ZFPM2: variants seen among roughly 807,000 people sequenced by gnomAD.
ZFPM2 encodes zinc finger protein ZFPM2.
In ZFPM2, 20 loss-of-function variants were observed where a neutral mutation model predicts 98.6. The observed-to-expected ratio is 0.20, with a 90% CI of 0.14 to 0.29. The LOEUF is 0.29. ZFPM2 is among the 10% of genes least tolerant of loss of function. The pLI is 1.00. For missense variants in ZFPM2, 1,310 were observed against 1,388.6 expected, an observed-to-expected ratio of 0.94 and a Z score of 0.90; for synonymous variants, 518 against 502.7, an observed-to-expected ratio of 1.03 and a Z score of -0.41.
At chr8:105,688,278 C>T (rs1586198764) in intron 5 of ZFPM2, among the ~76,000 whole-genome samples, 2 of 151,838 alleles carry the variant, frequency 1.3e-5, no homozygotes, top group Non-Finnish European at 2.9e-5. Flanking sequence ...AAGGATTTTA[C>T]TAACAAATTT....
intron 2 of ZFPM2, among the ~76,000 whole-genome samples, chr8:105,427,158 G>A (rs1383326229): frequency 2.6e-5 from 4 of 152,084 alleles, no homozygotes; most frequent in Non-Finnish European, 4.4e-5. Flanking sequence ...CTCTTCTTAT[G>A]AGAGTAAACA....
chr8:105,536,487 G>A lies in ZFPM2; in HGVS notation c.302-24876G>A, dbSNP rs145260747. ...CTCCTCAAGTTGAAGGTCAGAGGCC[G>A]TTTCATAATGCTCAAAAAGAAAACA... On this transcript the variant is annotated intron_variant, in intron 3 of 7. Transcript: ENST00000407775. 2.7e-3 allele frequency among the ~76,000 whole-genome samples: 404 copies of A among 151,730 alleles called. 4 individuals carry two copies. Among genetic ancestry groups the A allele is most frequent in the African/African-American group, 9.2e-3 (381 of 41,406 alleles).
intron 3 of ZFPM2, among the ~76,000 whole-genome samples, chr8:105,469,492 A>G (rs912667596): frequency 3.3e-5 from 5 of 151,968 alleles, no homozygotes; most frequent in African/African-American, 1.2e-4. Context: ...CAGCTGGTGT[A>G]CTCATTCATG....
At chr8:105,683,665 C>T (rs1810665048) in intron 5 of ZFPM2, among the ~76,000 whole-genome samples, 1 of 152,100 alleles carries the variant, frequency 6.6e-6, no homozygotes, top group South Asian at 2.1e-4. Flanking sequence ...CTACCTCTTT[C>T]CTTTCTTCTG....
At chr8:105,492,645 G>A (rs979866885) in intron 3 of ZFPM2, among the ~76,000 whole-genome samples, 9 of 152,062 alleles carry the variant, frequency 5.9e-5, no homozygotes, top group Admixed American at 2.0e-4. Context: ...TTACAGCTTT[G>A]CTCAGCTCAA....
chr8:105,774,555 T>C (rs1454459118), intron 5 of ZFPM2, among the ~76,000 whole-genome samples: 1 of 152,170 alleles, frequency 6.6e-6, no homozygotes, highest in African/African-American at 2.4e-5. Flanking sequence ...AAAACAAGTA[T>C]AGTATTTTTA....
chr8:105,355,320 T>A lies in ZFPM2; in HGVS notation c.40+36339T>A, dbSNP rs1434121252. Reference sequence around the variant, plus strand: ...TCATTCTTATTCTCCTGTCATACTATGCTAAGGAGTTTTGCACTGAAAATT... The same window carrying A: ...TCATTCTTATTCTCCTGTCATACTAAGCTAAGGAGTTTTGCACTGAAAATT... On this transcript the variant is annotated intron_variant, in intron 1 of 7. Coordinates refer to ENST00000407775, the MANE Select transcript of ZFPM2 (RefSeq NM_012082.4). 4.6e-5 allele frequency among the ~76,000 whole-genome samples: 7 copies of A among 152,226 alleles called. No individual in the cohort carries two copies. In the East Asian group the frequency reaches 1.3e-3, roughly 29 times the overall value.
chr8:105,500,285 C>T (rs538154933), intron 3 of ZFPM2, among the ~76,000 whole-genome samples: 1 of 151,944 alleles, frequency 6.6e-6, no homozygotes, highest in Non-Finnish European at 1.5e-5. Context: ...TAGAAATTAT[C>T]GATACAATAC....
intron 3 of ZFPM2, among the ~76,000 whole-genome samples, chr8:105,532,894 C>T (rs1264292545): frequency 6.6e-6 from 1 of 152,010 alleles, no homozygotes; most frequent in Non-Finnish European, 1.5e-5. Context: ...GAAGCAAAGG[C>T]TGTAGCTGAA....
Position 105,750,259 on chromosome 8 carries a change from A to G in ZFPM2, c.533-38459A>G, listed in dbSNP as rs549731214. On this transcript the variant is annotated intron_variant, in intron 5 of 7. Coordinates refer to ENST00000407775, the MANE Select transcript of ZFPM2 (RefSeq NM_012082.4). ...GATTCCAGAATGGTTGCAAATAGTT[A>G]TCTGTCTTGGTTACGTATCTATACT... Among the ~76,000 whole-genome samples the G allele has an allele frequency of 2.0e-5, 3 of 152,182 alleles. No homozygotes were observed. In the East Asian group the frequency reaches 5.8e-4, roughly 30 times the overall value.
intron 1 of ZFPM2, among the ~76,000 whole-genome samples, chr8:105,398,884 TAGAG>T (rs913356164): frequency 2.0e-4 from 30 of 152,176 alleles, no homozygotes; most frequent in African/African-American, 4.8e-4. Flanking sequence ...TGTGCTGAGA[TAGAG>T]AGAGAGGATA....
intron 3 of ZFPM2, among the ~76,000 whole-genome samples, chr8:105,495,420 T>G (rs1168347466): frequency 6.6e-6 from 1 of 152,238 alleles, no homozygotes; most frequent in African/African-American, 2.4e-5. Flanking sequence ...GCTCCCTTGA[T>G]ACAGGAAAGA....
intron 5 of ZFPM2, among the ~76,000 whole-genome samples, chr8:105,680,537 A>T (rs1457199476): frequency 1.3e-5 from 2 of 152,124 alleles, no homozygotes; most frequent in Non-Finnish European, 2.9e-5. Flanking sequence ...CTGCTTTCTA[A>T]TTCATCTCTT....
At chr8:105,333,326 A>G (rs971364533) in intron 1 of ZFPM2, among the ~76,000 whole-genome samples, 35 of 151,902 alleles carry the variant, frequency 2.3e-4, no homozygotes, top group African/African-American at 7.7e-4. Flanking sequence ...TATTGAGGCT[A>G]GACAACACAT....
chr8:105,493,467 G>C (rs909338852), intron 3 of ZFPM2, among the ~76,000 whole-genome samples: 1 of 152,180 alleles, frequency 6.6e-6, no homozygotes, highest in Non-Finnish European at 1.5e-5. Context: ...AGACAATCTT[G>C]TACCGCATGC....
intron 5 of ZFPM2, among the ~76,000 whole-genome samples, chr8:105,669,063 A>G (rs1817540342): frequency 6.6e-6 from 1 of 152,142 alleles, no homozygotes; most frequent in Non-Finnish European, 1.5e-5. Flanking sequence ...TCACTGCTAT[A>G]GGATAGAGTA....
At chr8:105,538,863 A>G (rs1248941383) in intron 3 of ZFPM2, among the ~76,000 whole-genome samples, 1 of 152,064 alleles carries the variant, frequency 6.6e-6, no homozygotes, top group African/African-American at 2.4e-5. Flanking sequence ...CATTAAAAAT[A>G]AATTAGCCAG....
At chr8:105,554,001 C>G (rs1291974215) in intron 3 of ZFPM2, among the ~76,000 whole-genome samples, 16 of 152,098 alleles carry the variant, frequency 1.1e-4, no homozygotes, top group Non-Finnish European at 1.5e-5. Context: ...CCTGATTTAT[C>G]AGGGTTTGAC....
chr8:105,598,853 C>A (rs756435010), intron 4 of ZFPM2, among the ~76,000 whole-genome samples: 7 of 152,104 alleles, frequency 4.6e-5, no homozygotes, highest in Admixed American at 2.6e-4. Flanking sequence ...AAACTTTCCC[C>A]AATTATGAAG....
Sources: allele counts gnomAD v4.1 joint callset (sites outside exome capture counted in the v4.1 genomes callset), GRCh38; gene constraint gnomAD v4.1.1; transcripts MANE v1.5; gene names NCBI Gene and HGNC (gene_info 2026-07-23, HGNC 2026-07-21).